Variants in MAST2 observed in about 807,000 individuals in gnomAD.
The protein encoded by MAST2 is microtubule-associated serine/threonine-protein kinase 2.
MAST2 carries 70 observed loss-of-function variants against 147.4 expected under a neutral mutation model. The ratio of observed to expected loss-of-function variants is 0.47; its 90% CI spans 0.39 to 0.58. The LOEUF (loss-of-function observed/expected upper bound fraction) is 0.58, where lower values mean the gene tolerates loss of function less well. Among genes scored for constraint, MAST2 ranks in the 20% least tolerant of loss-of-function variants. The pLI, the probability that MAST2 is intolerant of heterozygous loss-of-function variation, is 0.00. For missense variants in MAST2, 2,080 were observed against 2,302.3 expected (o/e 0.90, Z 1.98); for synonymous variants, 869 against 896.8 (o/e 0.97, Z 0.55).
chr1:45,951,144 C>T (rs2148862703), intron 4 of MAST2, among the ~76,000 whole-genome samples: 1 of 151,894 alleles, frequency 6.6e-6, no homozygotes, highest in Admixed American at 6.6e-5. Context: ...TTGCTTGTGT[C>T]AGGGAGGTCA....
chr1:45,941,315 A>G (rs1374035546), intron 4 of MAST2, among the ~76,000 whole-genome samples: 1 of 152,164 alleles, frequency 6.6e-6, no homozygotes, highest in Non-Finnish European at 1.5e-5. Flanking sequence ...GGTAGAGTGC[A>G]GTGGCGGGAT....
intron 4 of MAST2, among the ~76,000 whole-genome samples, chr1:45,906,728 A>C (rs893325086): frequency 6.6e-6 from 1 of 150,970 alleles, no homozygotes; most frequent in Non-Finnish European, 1.5e-5. Context: ...GCAATATTAA[A>C]TAGTGTAGCC....
At chr1:45,932,728 G>T (rs1655513441) in intron 4 of MAST2, among the ~76,000 whole-genome samples, 1 of 152,000 alleles carries the variant, frequency 6.6e-6, no homozygotes, top group Non-Finnish European at 1.5e-5. Flanking sequence ...TTATTTGATG[G>T]GTTATATAAT....
rs565872830 is a variant in MAST2 at position 46,014,091 on chromosome 1, C to T, written c.1188+3152C>T. On this transcript the variant is annotated intron_variant, in intron 10 of 28. Coordinates refer to ENST00000361297, the MANE Select transcript of MAST2 (RefSeq NM_015112.3). ...TGTGGTACAATTTGAAAATAATAGC[C>T]ATTAGAATCTAAGATATTATTGGTA... Among the ~76,000 whole-genome samples, 9 of 152,030 alleles carry T rather than the reference C, an allele frequency of 5.9e-5. No individual in the cohort carries two copies. The East Asian group carries it at 1.5e-3, about 26-fold the overall frequency.
chr1:45,970,692 ATT>A (rs1557983824), intron 5 of MAST2, among the ~76,000 whole-genome samples: 1 of 148,230 alleles, frequency 6.7e-6, no homozygotes, highest in African/African-American at 2.5e-5. Context: ...AAAAAAAAGA[ATT>A]TCTGCTCTGG....
intron 3 of MAST2, among the ~76,000 whole-genome samples, chr1:45,864,856 A>G (rs921363021): frequency 7.9e-5 from 12 of 152,260 alleles, no homozygotes; most frequent in African/African-American, 2.7e-4. Context: ...AAATGAAAAC[A>G]AATATGAAGT....
At position 45,966,488 on chromosome 1, in the gene MAST2, T is replaced by C. The variant is rs1017431059; in HGVS notation, c.592+7011T>C. On this transcript the variant is annotated intron_variant, in intron 5 of 28. Transcript: ENST00000361297. The stretch of plus-strand genomic sequence containing the variant: ...GGCTCACGCCTGTAATCCCACACTT[T>C]GGGAGGCCAAGGTGGGCAGATCACT... Among the ~76,000 whole-genome samples, 5 of 151,664 alleles carry C rather than the reference T, an allele frequency of 3.3e-5. No homozygotes were observed. The South Asian group carries it at 8.3e-4, about 25-fold the overall frequency.
At chr1:45,871,006 C>G (rs930102698) in intron 3 of MAST2, among the ~76,000 whole-genome samples, 1 of 151,096 alleles carries the variant, frequency 6.6e-6, no homozygotes, top group Non-Finnish European at 1.5e-5. Context: ...AACCAACTAT[C>G]CCTTTATTTC....
At chr1:45,928,043 A>G (rs757749076) in intron 4 of MAST2, among the ~76,000 whole-genome samples, 4 of 152,220 alleles carry the variant, frequency 2.6e-5, no homozygotes, top group Non-Finnish European at 5.9e-5. Flanking sequence ...TTCTAGAACT[A>G]GGAAAATTTT....
intron 4 of MAST2, among the ~76,000 whole-genome samples, chr1:45,911,641 T>G (rs1205207998): frequency 1.3e-5 from 2 of 151,870 alleles, no homozygotes; most frequent in Non-Finnish European, 1.5e-5. Context: ...GAAATGCTAC[T>G]TTTCTACTTA....
intron 4 of MAST2, among the ~76,000 whole-genome samples, chr1:45,944,303 T>TA (rs1487473620): frequency 6.6e-6 from 1 of 152,226 alleles, no homozygotes; most frequent in African/African-American, 2.4e-5. Context: ...AAAAGTCTGT[T>TA]AGTTCTTTAA....
At chr1:46,028,000 A>G (rs1403790953) in intron 17 of MAST2, 137 bp downstream of exon 17, 5 of 972,998 alleles carry the variant, frequency 5.1e-6, no homozygotes, top group Non-Finnish European at 7.8e-6. Flanking sequence ...CAACATAGTG[A>G]GACCCCATCT....
intron 5 of MAST2, among the ~76,000 whole-genome samples, chr1:45,980,921 A>G (rs1310506265): frequency 1.3e-5 from 2 of 152,170 alleles, no homozygotes; most frequent in African/African-American, 4.8e-5. Context: ...CTCCTTGCCC[A>G]CTGTCCAGAT....
chr1:45,924,440 G>A (rs1158371560), intron 4 of MAST2, among the ~76,000 whole-genome samples: 2 of 152,126 alleles, frequency 1.3e-5, no homozygotes, highest in South Asian at 2.1e-4. Context: ...TGAAAATTGA[G>A]TGCTACTGGC....
In MAST2 at chr1:45,823,863, AAG is replaced by A. The variant is rs1244747701; in HGVS notation, c.178-567_178-566del. The stretch of plus-strand genomic sequence containing the variant: ...GGACACTGCTTACTGAATGAGGAGA[AAG>A]AGGTGTTGGAGTGGAATGGGAAGGT... On this transcript the variant is annotated intron_variant, in intron 1 of 28. Transcript: ENST00000361297. Among the ~76,000 whole-genome samples, 6 of 152,300 alleles carry A rather than the reference AAG, an allele frequency of 3.9e-5. No individual in the cohort carries two copies. The East Asian group carries it at 9.6e-4, about 24-fold the overall frequency.
Position 45,921,628 on chromosome 1 carries a change from C to G in MAST2, c.501-37758C>G, listed in dbSNP as rs369275235. On this transcript the variant is annotated intron_variant, in intron 4 of 28. Coordinates refer to ENST00000361297, the MANE Select transcript of MAST2 (RefSeq NM_015112.3). ...GCTCACTGTGAGGCTGCATCGGGAC[C>G]AGGCGCCACGCAAGCAACTTCCACA... Among the ~76,000 whole-genome samples, 533 of 152,268 alleles carry G rather than the reference C, an allele frequency of 3.5e-3. 2 individuals carry two copies. The highest frequency in any genetic ancestry group is 0.012 in the African/African-American group (484 of 41,550).
rs755727451 is a variant in MAST2, at chr1:45,894,612, A to G, written c.500+12217A>G. On this transcript the variant is annotated intron_variant, in intron 4 of 28. Transcript: ENST00000361297. Reference sequence around the variant, plus strand: ...TGGCAGTAAACAGTAAACCAAGGACATGGACTCACCAAAACTGAATAAATT... The same window carrying G: ...TGGCAGTAAACAGTAAACCAAGGACGTGGACTCACCAAAACTGAATAAATT... Among the ~76,000 whole-genome samples, 7 of 152,336 alleles carry G rather than the reference A, an allele frequency of 4.6e-5. No homozygotes were observed. In the East Asian group the frequency reaches 7.7e-4, roughly 17 times the overall value.
chr1:45,906,360 A>G (rs1194913684), intron 4 of MAST2, among the ~76,000 whole-genome samples: 2 of 152,088 alleles, frequency 1.3e-5, no homozygotes, highest in Non-Finnish European at 2.9e-5. Flanking sequence ...TTTGGCAAAA[A>G]CATTTAAAAA....
Position 45,806,617 on chromosome 1 carries a change from G to T in MAST2, c.177+2545G>T, listed in dbSNP as rs145072249. ...TTTTGAGACAGAGTCTTGCTCTCTC[G>T]CCCAGGCTGGAGTGCAGCGGCACAT... On this transcript the variant is annotated intron_variant, in intron 1 of 28. Transcript: ENST00000361297. Among the ~76,000 whole-genome samples, 88 of 151,860 alleles carry T rather than the reference G, an allele frequency of 5.8e-4. No homozygotes were observed. The East Asian group carries it at 0.013, about 23-fold the overall frequency.
Sources: gnomAD v4.1 joint callset for allele counts (sites outside exome capture counted in the v4.1 genomes callset) on GRCh38, gnomAD v4.1.1 for gene constraint, MANE v1.5 for transcripts, NCBI Gene and HGNC (gene_info 2026-07-23, HGNC 2026-07-21) for gene names.